HTR4: variants seen among roughly 807,000 people sequenced by gnomAD.
HTR4 encodes the protein 5-hydroxytryptamine receptor 4, also known as 5-hydroxytryptamine (serotonin) receptor 4, G protein-coupled.
A neutral mutation model predicts 36.8 loss-of-function variants in HTR4; 16 were observed. The observed-to-expected ratio is 0.43, with a 90% CI of 0.29 to 0.66. The LOEUF (loss-of-function observed/expected upper bound fraction) is 0.66, where lower values mean the gene tolerates loss of function less well. HTR4 is among the 30% of genes least tolerant of loss of function. HTR4 has a pLI of 0.13. For synonymous variants in HTR4, 189 were observed against 185.1 expected, an observed-to-expected ratio of 1.02 and a Z score of -0.17; for missense variants, 438 against 490.9, an observed-to-expected ratio of 0.89 and a Z score of 1.02.
chr5:148,654,159 T>C lies in HTR4; in HGVS notation c.-145A>G, dbSNP rs1754125487. The C allele has an allele frequency of 1.0e-6, 1 of 985,458 alleles. No homozygotes were observed. Among genetic ancestry groups the C allele is most frequent in the Non-Finnish European group, 1.2e-6 (1 of 830,058 alleles). 61.0% of individuals were successfully genotyped at this position (985,458 alleles called of 1,614,324 possible). On this transcript the variant is annotated 5_prime_UTR_variant, in exon 1 of 7. Transcript: ENST00000377888. The stretch of plus-strand genomic sequence containing the variant: ...TCTGCTGCCGCCGCTGCCGCTGCGC[T>C]CCCAGCCGCTGCCTGCGCCCTCCCT...
intron 5 of HTR4, among the ~76,000 whole-genome samples, chr5:148,515,952 G>A (rs576857046): frequency 9.9e-4 from 149 of 150,590 alleles, no homozygotes; most frequent in Non-Finnish European, 1.9e-3. Flanking sequence ...TTACATGGAT[G>A]TTAGAACTTT....
In HTR4 at chr5:148,543,317, A is replaced by G. The variant is rs58651543; in HGVS notation, c.353+5351T>C. Among the ~76,000 whole-genome samples the G allele has an allele frequency of 1.1e-3, 163 of 152,300 alleles. 3 individuals are homozygous for G. Among genetic ancestry groups the G allele is most frequent in the African/African-American group, 3.8e-3 (160 of 41,568 alleles). ...AGAAGGCAAGATGGAGACAAAGAGG[A>G]GAGGGAAACAGAGTTAGAGAGGGGC... On this transcript the variant is annotated intron_variant, in intron 4 of 6. Transcript: ENST00000377888.
intron 5 of HTR4, among the ~76,000 whole-genome samples, chr5:148,457,820 CAT>C (rs1755139295): frequency 1.3e-5 from 1 of 77,524 alleles, no homozygotes; most frequent in South Asian, 3.6e-4. Context: ...TTTGATATAT[CAT>C]TAAAATATAT....
chr5:148,649,821 A>G (rs1201436093), intron 1 of HTR4, among the ~76,000 whole-genome samples: 1 of 152,198 alleles, frequency 6.6e-6, no homozygotes, highest in African/African-American at 2.4e-5. Context: ...AGTTATCTTA[A>G]AATCAGATAT....
intron 4 of HTR4, among the ~76,000 whole-genome samples, chr5:148,534,965 G>C (rs1190703660): frequency 1.3e-5 from 2 of 152,102 alleles, no homozygotes; most frequent in Non-Finnish European, 2.9e-5. Context: ...CAGCATGCAA[G>C]TGGGAGAGGA....
intron 1 of HTR4, among the ~76,000 whole-genome samples, chr5:148,644,372 T>C (rs969914459): frequency 6.6e-6 from 1 of 151,580 alleles, no homozygotes; most frequent in Non-Finnish European, 1.5e-5. Flanking sequence ...AACCCTCCTG[T>C]TATTTCCTAA....
intron 2 of HTR4, among the ~76,000 whole-genome samples, chr5:148,586,784 A>G (rs1761364883): frequency 6.6e-6 from 1 of 152,110 alleles, no homozygotes; most frequent in Non-Finnish European, 1.5e-5. Context: ...ATCCATGGCT[A>G]CCTCTCTAAA....
chr5:148,592,823 G>GA, intron 2 of HTR4, among the ~76,000 whole-genome samples: 1 of 151,954 alleles, frequency 6.6e-6, no homozygotes, highest in Non-Finnish European at 1.5e-5. Context: ...ATTTATCTCT[G>GA]TACTACCACT....
At chr5:148,476,512 A>AGCTTTTG, downstream of HTR4, 1 of 1,225,172 alleles carries the variant, frequency 8.2e-7, no homozygotes, top group Non-Finnish European at 1.0e-6. Context: ...AGAAGGCTGC[A>AGCTTTTG]GCTTTTGAAG....
intron 2 of HTR4, among the ~76,000 whole-genome samples, chr5:148,558,241 TA>T (rs1394687049): frequency 6.6e-6 from 1 of 152,122 alleles, no homozygotes; most frequent in Non-Finnish European, 1.5e-5. Flanking sequence ...AAAATTGAAT[TA>T]TTTTTTTCTA....
At chr5:148,497,236 G>A (rs996007383) in intron 6 of HTR4, among the ~76,000 whole-genome samples, 1 of 152,060 alleles carries the variant, frequency 6.6e-6, no homozygotes, top group Non-Finnish European at 1.5e-5. Flanking sequence ...CACCCAAGCT[G>A]GAGTGGAGTG....
intron 1 of HTR4, among the ~76,000 whole-genome samples, chr5:148,638,933 G>C (rs1254200979): frequency 6.6e-6 from 1 of 152,038 alleles, no homozygotes; most frequent in Non-Finnish European, 1.5e-5. Context: ...TGTAGTTCCA[G>C]CTACCTGGGG....
intron 6 of HTR4, chr5:148,509,218 C>T (rs935430762): frequency 3.1e-5 from 14 of 447,196 alleles, no homozygotes; most frequent in African/African-American, 1.8e-4. Context: ...AATGTTTAAA[C>T]GACCTGCCCA....
intron 2 of HTR4, among the ~76,000 whole-genome samples, chr5:148,616,212 G>A (rs1752683776): frequency 6.6e-6 from 1 of 152,110 alleles, no homozygotes; most frequent in South Asian, 2.1e-4. Flanking sequence ...CCTGAGAAAG[G>A]GAAAAGGCAC....
At chr5:148,626,552 A>C (rs747681807) in intron 2 of HTR4, among the ~76,000 whole-genome samples, 2 of 152,218 alleles carry the variant, frequency 1.3e-5, no homozygotes, top group Non-Finnish European at 2.9e-5. Flanking sequence ...CCACTTTACC[A>C]ATGAATACAC....
intron 5 of HTR4, among the ~76,000 whole-genome samples, chr5:148,515,682 T>C (rs1043254451): frequency 1.3e-5 from 2 of 152,184 alleles, no homozygotes; most frequent in Admixed American, 1.3e-4. Context: ...CAGCTGTAAG[T>C]CTTATTTTCC....
chr5:148,603,451 G>T (rs551940797), intron 2 of HTR4, among the ~76,000 whole-genome samples: 2 of 152,010 alleles, frequency 1.3e-5, no homozygotes, highest in Admixed American at 1.3e-4. Flanking sequence ...AATGCTAAAA[G>T]CTTTTTCATA....
At chr5:148,646,546 C>T (rs1208942873) in intron 1 of HTR4, among the ~76,000 whole-genome samples, 1 of 152,166 alleles carries the variant, frequency 6.6e-6, no homozygotes, top group African/African-American at 2.4e-5. Context: ...TTTTCCTAGA[C>T]TAATAAAATG....
chr5:148,608,282 A>T (rs375938838), intron 2 of HTR4, among the ~76,000 whole-genome samples: 2 of 152,208 alleles, frequency 1.3e-5, no homozygotes, highest in Non-Finnish European at 2.9e-5. Context: ...CAGGGGAAAC[A>T]AACAAACAGG....
Sources: gnomAD v4.1 joint callset for allele counts (sites outside exome capture counted in the v4.1 genomes callset) on GRCh38, gnomAD v4.1.1 for gene constraint, MANE v1.5 for transcripts, NCBI Gene and HGNC (gene_info 2026-07-23, HGNC 2026-07-21) for gene names.